Variants in FIRRM observed in about 807,000 individuals in gnomAD.
FIRRM encodes FIGNL1-interacting regulator of recombination and mitosis.
chr1:169,843,684 A>C, the FIRRM span: 1 of 1,611,300 alleles, frequency 6.2e-7, no homozygotes, highest in South Asian at 1.1e-5. Context: ...GTAGCAGATC[A>C]ACCTTATGTT....
chr1:169,817,644 C>A, the FIRRM span, among the ~76,000 whole-genome samples: 1 of 151,972 alleles, frequency 6.6e-6, no homozygotes, highest in Admixed American at 6.6e-5. Context: ...TGATGTTAAC[C>A]CCAATTCTTA....
At chr1:169,833,970 T>C in the FIRRM span, among the ~76,000 whole-genome samples, 1 of 150,410 alleles carries the variant, frequency 6.6e-6, no homozygotes, top group African/African-American at 2.5e-5. Flanking sequence ...GGATTAGAGG[T>C]GTGAGCTATT....
chr1:169,798,827 A>C, the FIRRM span: 9 of 752,952 alleles, frequency 1.2e-5, no homozygotes, highest in African/African-American at 1.8e-5. Context: ...TCATTGCTTA[A>C]ATTTCAAAAG....
chr1:169,841,802 T>G, the FIRRM span, among the ~76,000 whole-genome samples: 1 of 152,202 alleles, frequency 6.6e-6, no homozygotes, highest in African/African-American at 2.4e-5. Context: ...TTGATTATAC[T>G]GGCCACTTGT....
chr1:169,840,979 A>G, the FIRRM span, among the ~76,000 whole-genome samples: 1 of 152,114 alleles, frequency 6.6e-6, no homozygotes, highest in South Asian at 2.1e-4. Context: ...TGAACTTTCA[A>G]TACTATGTTG....
At chr1:169,804,882 C>A in the FIRRM span, among the ~76,000 whole-genome samples, 1 of 152,124 alleles carries the variant, frequency 6.6e-6, no homozygotes, top group Non-Finnish European at 1.5e-5. Flanking sequence ...AGGGTTTCAC[C>A]GTGTTGGCCA....
At chr1:169,790,999 G>A in the FIRRM span, among the ~76,000 whole-genome samples, 11 of 152,332 alleles carry the variant, frequency 7.2e-5, no homozygotes, top group South Asian at 4.1e-4. Context: ...CAAGGAGTGC[G>A]CAAGCTAGAT....
the FIRRM span, among the ~76,000 whole-genome samples, chr1:169,823,981 A>G: frequency 6.6e-6 from 1 of 152,170 alleles, no homozygotes; most frequent in Non-Finnish European, 1.5e-5. Context: ...GTTTCCTCCA[A>G]AGAGCCCTAA....
At chr1:169,821,210 A>G in the FIRRM span, among the ~76,000 whole-genome samples, 115,491 of 152,054 alleles carry the variant, frequency 0.76, 44,868 homozygotes, top group African/African-American at 0.93. Context: ...TATATAATTA[A>G]GTTATAATTT....
chr1:169,795,963 C>G, the FIRRM span: 1 of 985,438 alleles, frequency 1.0e-6, no homozygotes. Flanking sequence ...GTAAATGTGC[C>G]TGGAATCCTA....
At chr1:169,787,879 T>C in the FIRRM span, among the ~76,000 whole-genome samples, 1 of 152,022 alleles carries the variant, frequency 6.6e-6, no homozygotes, top group Non-Finnish European at 1.5e-5. Context: ...ACATAGTTTT[T>C]TTTCATGTTG....
At chr1:169,840,592 G>A in the FIRRM span, among the ~76,000 whole-genome samples, 1 of 150,084 alleles carries the variant, frequency 6.7e-6, no homozygotes, top group African/African-American at 2.5e-5. Context: ...CTCACTGTGA[G>A]CTCTGCCTCC....
the FIRRM span, chr1:169,847,620 T>TA: frequency 9.0e-7 from 1 of 1,113,010 alleles, no homozygotes; most frequent in Non-Finnish European, 1.3e-6. Flanking sequence ...ATCCAAATCT[T>TA]AGGCAGTTAT....
the FIRRM span, chr1:169,832,322 A>ATT: frequency 1.3e-6 from 1 of 760,606 alleles, no homozygotes. Context: ...TCCCCTAGAA[A>ATT]GAGCTGCTAT....
the FIRRM span, among the ~76,000 whole-genome samples, chr1:169,818,883 C>T: frequency 2.6e-4 from 39 of 152,012 alleles, no homozygotes; most frequent in African/African-American, 8.9e-4. Context: ...GACAGGGTTT[C>T]GCCATGTTGG....
At chr1:169,793,719 T>G in the FIRRM span, 1 of 1,534,698 alleles carries the variant, frequency 6.5e-7, no homozygotes, top group Admixed American at 2.1e-5. Flanking sequence ...GCACACAATC[T>G]TTAAATTCAG....
chr1:169,847,821 T>C, the FIRRM span: 1 of 1,471,876 alleles, frequency 6.8e-7, no homozygotes, highest in Non-Finnish European at 9.5e-7. Context: ...TGCTTAACTC[T>C]GTTCTTGTAT....
the FIRRM span, among the ~76,000 whole-genome samples, chr1:169,846,914 G>A: frequency 1.3e-5 from 2 of 152,072 alleles, no homozygotes; most frequent in Non-Finnish European, 2.9e-5. Flanking sequence ...ACAGCACCAG[G>A]CTGAATTATC....
chr1:169,811,455 A>AC, the FIRRM span, among the ~76,000 whole-genome samples: 1 of 152,012 alleles, frequency 6.6e-6, no homozygotes. Flanking sequence ...GGAGTTTGAG[A>AC]CCAGACTGAG....
Sources: gnomAD v4.1 joint callset for allele counts (sites outside exome capture counted in the v4.1 genomes callset) on GRCh38, gnomAD v4.1.1 for gene constraint, MANE v1.5 for transcripts, NCBI Gene and HGNC (gene_info 2026-07-23, HGNC 2026-07-21) for gene names.